ISG20: variants seen among roughly 807,000 people sequenced by gnomAD.
ISG20 encodes interferon-stimulated gene 20 kDa protein.
Under a neutral mutation model 11.1 loss-of-function variants are expected in ISG20, and 8 were observed. The observed-to-expected ratio is 0.72, with a 90% confidence interval of 0.42 to 1.30. The LOEUF is 1.30. ISG20 is among the 50% of genes most tolerant of loss of function. ISG20 has a pLI of 0.01. For missense variants in ISG20, 243 were observed against 250.2 expected, an observed-to-expected ratio of 0.97 and a Z score of 0.19; for synonymous variants, 110 against 101.7, an observed-to-expected ratio of 1.08 and a Z score of -0.49.
chr15:88,641,855 C>G (rs28836000), intron 2 of ISG20, among the ~76,000 whole-genome samples: 1 of 150,908 alleles, frequency 6.6e-6, no homozygotes, highest in South Asian at 2.1e-4. Context: ...TAGACTCAAG[C>G]GATCCGCCTG....
chr15:88,652,737 A>G (rs1255155143), intron 3 of ISG20, among the ~76,000 whole-genome samples: 1 of 146,020 alleles, frequency 6.8e-6, no homozygotes, highest in African/African-American at 2.6e-5. Flanking sequence ...TAGAGTGAGG[A>G]TGAGGGCAGG....
chr15:88,655,521 T>C lies in ISG20; in HGVS notation c.536T>C (p.Val179Ala). 6.2e-7 allele frequency: 1 copy of C among 1,613,630 alleles called. No individual in the cohort carries two copies. Among genetic ancestry groups the C allele is most frequent in the Non-Finnish European group, 8.5e-7 (1 of 1,179,872 alleles). ...RARRGLPRLA[V>A]SD ...CGCCGAGGGCTGCCCCGCCTGGCTGTGTCAGACTGAAGCCCCATCCAGCCC... is the reference window on the plus strand; with the variant it reads ...CGCCGAGGGCTGCCCCGCCTGGCTGCGTCAGACTGAAGCCCCATCCAGCCC... The change falls in exon 4 of 4, where the codon GTG becomes GCG. Residue 179 changes from valine (V) to alanine (A), a missense_variant. Transcript: ENST00000306072.
At chr15:88,651,073 C>T in intron 2 of ISG20, 1 of 412,756 alleles carries the variant, frequency 2.4e-6, no homozygotes, top group Non-Finnish European at 3.3e-6. Flanking sequence ...GGTGGCCGGA[C>T]TTCTTATAGA....
chr15:88,638,290 A>G (rs984127859), upstream of ISG20, among the ~76,000 whole-genome samples: 8 of 152,198 alleles, frequency 5.3e-5, no homozygotes, highest in Non-Finnish European at 1.5e-5. Context: ...CTCATTTGAC[A>G]TTCACTAAAT....
At position 88,650,371 on chromosome 15, in the gene ISG20, G is replaced by A. The variant is rs1325678401; in HGVS notation, c.229-1739G>A. ...TGGGGCAGTCACAGCTGGGCGCCTG[G>A]GCTGCTGGAGGCCTGGAGTGGTCGT... On this transcript the variant is annotated intron_variant, in intron 2 of 3. Coordinates refer to ENST00000306072, the MANE Select transcript of ISG20 (RefSeq NM_002201.6). This position sits in a 1 kb window ranked among gnomAD's most constrained non-coding sequence, Gnocchi z 4.0. 1.3e-6 allele frequency: 2 copies of A among 1,532,346 alleles called. No individual in the cohort carries two copies. The highest frequency in any genetic ancestry group is 2.0e-5 in the Admixed American group (1 of 50,878). 94.9% of individuals were successfully genotyped at this position (1,532,346 alleles called of 1,614,324 possible).
In ISG20 at chr15:88,650,084, A is replaced by C; in HGVS notation, c.229-2026A>C. On this transcript the variant is annotated intron_variant, in intron 2 of 3. Coordinates refer to ENST00000306072, the MANE Select transcript of ISG20 (RefSeq NM_002201.6). The surrounding 1 kb of genome is among the most constrained non-coding windows in gnomAD (Gnocchi z 4.0). Reference sequence around the variant, plus strand: ...GCAGGCTACGGGGAAGGTGTTAGGCACCAGAAGGCTCTTTCCTGGTGTACA... The same window carrying C: ...GCAGGCTACGGGGAAGGTGTTAGGCCCCAGAAGGCTCTTTCCTGGTGTACA... 1.5e-6 allele frequency: 1 copy of C among 655,778 alleles called. No individual in the cohort carries two copies. The allele number at this position is 655,778 out of a possible 1,614,324, so 40.6% of individuals were successfully genotyped here. A position where few individuals can be genotyped will look rare whatever the true frequency, so the allele number is the denominator to read the frequency against.
At position 88,645,943 on chromosome 15, in the gene ISG20, T is replaced by C. The variant is rs879902123; in HGVS notation, c.229-6167T>C. On this transcript the variant is annotated intron_variant, in intron 2 of 3. Coordinates refer to ENST00000306072, the MANE Select transcript of ISG20 (RefSeq NM_002201.6). ...GTTTTGCACACAGGTGACTTGAGAA[T>C]GTTTGTGGGATTGAAGTTGAACTGA... Among the ~76,000 whole-genome samples the C allele has an allele frequency of 2.8e-4, 42 of 152,208 alleles. 1 individual carries two copies. The highest frequency in any genetic ancestry group is 2.7e-3 in the Admixed American group (42 of 15,280).
rs981421197 is a variant in ISG20 at position 88,650,888 on chromosome 15, T to G, written c.229-1222T>G. The G allele has an allele frequency of 6.5e-6, 1 of 152,804 alleles. No homozygotes were observed. Among genetic ancestry groups the G allele is most frequent in the African/African-American group, 2.4e-5 (1 of 41,436 alleles). 9.5% of individuals were successfully genotyped at this position (152,804 alleles called of 1,614,324 possible). ...CCCAGGCTCAAGCAATTCTCCTGCC[T>G]CAGCCTCCCGAGTAACTGGGAATAG... On this transcript the variant is annotated intron_variant, in intron 2 of 3. Transcript: ENST00000306072. The surrounding 1 kb of genome is among the most constrained non-coding windows in gnomAD (Gnocchi z 4.0).
At chr15:88,641,788 C>T (rs1040279107) in intron 2 of ISG20, among the ~76,000 whole-genome samples, 4 of 152,112 alleles carry the variant, frequency 2.6e-5, no homozygotes, top group Non-Finnish European at 5.9e-5. Flanking sequence ...CGAGCCACCA[C>T]ACCCAGCTAA....
Position 88,650,276 on chromosome 15 carries a change from A to G in ISG20, c.229-1834A>G, listed in dbSNP as rs1195632280. ...CTCCAACGGCAGCTGAGTGAAAGCA[A>G]GCTGACTGGCCTGTGTGACCAGAGC... On this transcript the variant is annotated intron_variant, in intron 2 of 3. Transcript: ENST00000306072. This position sits in a 1 kb window ranked among gnomAD's most constrained non-coding sequence, Gnocchi z 4.0. 6.5e-7 allele frequency: 1 copy of G among 1,535,642 alleles called. No homozygotes were observed. The highest frequency in any genetic ancestry group is 2.4e-5 in the East Asian group (1 of 40,898).
chr15:88,652,301 G>C lies in ISG20; in HGVS notation c.420G>C (p.Lys140Asn). ...TGCTGAGTGAGCGCCTCCTACACAA[G>C]AGCATCCAGGTGAGAACCTCCTCGT... The part of the protein sequence containing the change: ...LRVLSERLLH[K>N]SIQNSLLGHS... The change falls in exon 3 of 4, where the codon AAG becomes AAC. Residue 140 changes from lysine (K) to asparagine (N), a missense_variant. Transcript: ENST00000306072. 2 of 1,612,284 alleles carry C rather than the reference G, an allele frequency of 1.2e-6. No homozygotes were observed. The highest frequency in any genetic ancestry group is 1.7e-6 in the Non-Finnish European group (2 of 1,179,226).
intron 2 of ISG20, among the ~76,000 whole-genome samples, chr15:88,641,762 G>GT (rs2058085073): frequency 6.6e-6 from 1 of 152,008 alleles, no homozygotes. Context: ...CTTCTGAGTA[G>GT]TTGGGACTAC....
At chr15:88,636,387 T>C (rs1448149479), upstream of ISG20, 3 of 152,164 alleles carry the variant, frequency 2.0e-5, no homozygotes, top group Non-Finnish European at 4.4e-5. Context: ...GAGCACACAA[T>C]ACACTTGAAA....
chr15:88,646,346 A>G (rs543152601), intron 2 of ISG20, among the ~76,000 whole-genome samples: 1 of 152,326 alleles, frequency 6.6e-6, no homozygotes, highest in South Asian at 2.1e-4. Flanking sequence ...TATGAGACTG[A>G]GTAAGCTGTC....
intron 2 of ISG20, among the ~76,000 whole-genome samples, chr15:88,644,220 G>A (rs2058129803): frequency 6.6e-6 from 1 of 152,124 alleles, no homozygotes; most frequent in Non-Finnish European, 1.5e-5. Flanking sequence ...GGATAGATGG[G>A]AGCGAGAAAA....
At chr15:88,651,430 G>T in intron 2 of ISG20, 1 of 404,522 alleles carries the variant, frequency 2.5e-6, no homozygotes, top group African/African-American at 2.2e-5. Context: ...GTGGGGCTAG[G>T]TTCCTTCTGG....
At chr15:88,645,026 C>T (rs1310024156) in intron 2 of ISG20, among the ~76,000 whole-genome samples, 1 of 152,204 alleles carries the variant, frequency 6.6e-6, no homozygotes, top group African/African-American at 2.4e-5. Context: ...TTTTGTTTCT[C>T]AGTTAGAGGA....
At chr15:88,645,506 G>A (rs575043472) in intron 2 of ISG20, among the ~76,000 whole-genome samples, 1 of 152,028 alleles carries the variant, frequency 6.6e-6, no homozygotes. Flanking sequence ...CCTAAACCTG[G>A]CTCAGATCAT....
intron 2 of ISG20, chr15:88,647,719 TA>T (rs2058202286): frequency 6.6e-6 from 1 of 152,216 alleles, no homozygotes; most frequent in Non-Finnish European, 1.5e-5. Flanking sequence ...AATCTAACAG[TA>T]ATTTTTAGTA....
Sources: allele counts gnomAD v4.1 joint callset (sites outside exome capture counted in the v4.1 genomes callset), GRCh38; gene constraint gnomAD v4.1.1; non-coding constraint Gnocchi (gnomAD v3.1); transcripts MANE v1.5; gene names NCBI Gene and HGNC (gene_info 2026-07-23, HGNC 2026-07-21).